Variants in GRM5 observed in about 807,000 individuals in gnomAD.
The protein encoded by GRM5 is glutamate metabotropic receptor 5.
Under a neutral mutation model 83.1 loss-of-function variants are expected in GRM5, and 19 were observed. The ratio of observed to expected loss-of-function variants is 0.23; its 90% CI spans 0.16 to 0.34. The LOEUF is 0.34. Ranked by LOEUF, GRM5 falls within the 10% of genes least tolerant of loss-of-function variation. The probability of loss-of-function intolerance (pLI) is 1.00; values close to 1 mark genes in which losing one functional copy is unlikely to be tolerated. For synonymous variants in GRM5, 675 were observed against 633.6 expected (o/e 1.07, Z -0.98); for missense variants, 1,160 against 1,588.3 (o/e 0.73, Z 4.58).
At chr11:88,967,005 T>A (rs1180834632) in intron 2 of GRM5, among the ~76,000 whole-genome samples, 2 of 152,042 alleles carry the variant, frequency 1.3e-5, no homozygotes, top group Admixed American at 1.3e-4. Flanking sequence ...ATGCAAAATG[T>A]ATGTGTGGAA....
chr11:88,691,214 C>T (rs540197424), intron 3 of GRM5, among the ~76,000 whole-genome samples: 24 of 152,286 alleles, frequency 1.6e-4, no homozygotes, highest in African/African-American at 5.5e-4. Context: ...TTAAATCAAA[C>T]ACTTTTTCTA....
At chr11:88,728,416 T>A (rs1403285334) in intron 3 of GRM5, among the ~76,000 whole-genome samples, 1 of 151,858 alleles carries the variant, frequency 6.6e-6, no homozygotes, top group South Asian at 2.1e-4. Context: ...CAGGACCAGA[T>A]GGATTCACAA....
chr11:88,833,175 T>C (rs1397864232), intron 3 of GRM5, among the ~76,000 whole-genome samples: 2 of 152,012 alleles, frequency 1.3e-5, no homozygotes, highest in East Asian at 1.9e-4. Flanking sequence ...AGTGAAGAGA[T>C]AACCTGTTGA....
At position 88,509,249 on chromosome 11, in the gene GRM5, G is replaced by A; in HGVS notation, c.2982C>T (p.Asp994=). 6.7e-7 allele frequency: 1 copy of A among 1,491,406 alleles called. No homozygotes were observed. The highest frequency in any genetic ancestry group is 1.3e-5 in the South Asian group (1 of 78,344). 92.4% of individuals were successfully genotyped at this position (1,491,406 alleles called of 1,614,324 possible). Residue 994 remains aspartate (D), a synonymous_variant, in exon 10 of 10, where the codon GAC becomes GAT. Coordinates refer to ENST00000305447, the MANE Select transcript of GRM5 (RefSeq NM_001143831.3). The part of the protein sequence containing the change: ...GAGPGGPESP[D]AGPKALYDVA... ...CATCATACAGCGCCTTGGGGCCGGCGTCTGGGGACTCGGGCCCGCCTGGGC... is the reference window on the plus strand; with the variant it reads ...CATCATACAGCGCCTTGGGGCCGGCATCTGGGGACTCGGGCCCGCCTGGGC...
At chr11:89,050,497 A>T (rs1270256947) in intron 1 of GRM5, among the ~76,000 whole-genome samples, 3 of 152,196 alleles carry the variant, frequency 2.0e-5, no homozygotes, top group African/African-American at 7.2e-5. Flanking sequence ...AAAAATAAAG[A>T]TCAAATGGTA....
intron 3 of GRM5, among the ~76,000 whole-genome samples, chr11:88,705,422 A>G (rs1431885101): frequency 6.6e-6 from 1 of 152,028 alleles, no homozygotes; most frequent in Non-Finnish European, 1.5e-5. Flanking sequence ...TCACCTCTAA[A>G]TGTATCTTTT....
chr11:88,596,615 C>T (rs768502186), intron 6 of GRM5, among the ~76,000 whole-genome samples: 10 of 152,036 alleles, frequency 6.6e-5, no homozygotes, highest in Admixed American at 1.3e-4. Context: ...AATGTTCTCT[C>T]CCTGAAATCA....
chr11:88,637,718 T>C (rs532700570), intron 4 of GRM5, among the ~76,000 whole-genome samples: 1 of 147,726 alleles, frequency 6.8e-6, no homozygotes, highest in Non-Finnish European at 1.5e-5. Flanking sequence ...GAGTGTAAAC[T>C]AGTTCAACCA....
chr11:88,689,785 G>T (rs926497373), intron 3 of GRM5, among the ~76,000 whole-genome samples: 1 of 152,122 alleles, frequency 6.6e-6, no homozygotes, highest in African/African-American at 2.4e-5. Flanking sequence ...CACTGTTCTT[G>T]CCAAGAAGTC....
chr11:88,994,232 A>T (rs1335739379), intron 2 of GRM5, among the ~76,000 whole-genome samples: 1 of 151,698 alleles, frequency 6.6e-6, no homozygotes, highest in Non-Finnish European at 1.5e-5. Context: ...TATTTAAAAA[A>T]GACACAAATA....
At chr11:88,538,597 C>CAGGG (rs963467970) in intron 8 of GRM5, among the ~76,000 whole-genome samples, 1 of 152,148 alleles carries the variant, frequency 6.6e-6, no homozygotes, top group Admixed American at 6.5e-5. Context: ...AGTTTTCCAA[C>CAGGG]AGAGATTTTT....
At chr11:88,706,002 T>C (rs1019163813) in intron 3 of GRM5, among the ~76,000 whole-genome samples, 1 of 152,032 alleles carries the variant, frequency 6.6e-6, no homozygotes, top group African/African-American at 2.4e-5. Context: ...CTATTCTCCA[T>C]TGTACCAATG....
At chr11:88,658,849 A>T (rs1004422347) in intron 3 of GRM5, among the ~76,000 whole-genome samples, 4 of 152,054 alleles carry the variant, frequency 2.6e-5, no homozygotes, top group African/African-American at 9.7e-5. Context: ...GAAGAGAATC[A>T]GTTGTGAGTG....
At chr11:88,932,339 A>G (rs1303416653) in intron 2 of GRM5, among the ~76,000 whole-genome samples, 2 of 152,076 alleles carry the variant, frequency 1.3e-5, no homozygotes, top group Admixed American at 6.6e-5. Flanking sequence ...TGGAAATTAC[A>G]TAAATGCCTA....
chr11:88,526,304 C>G (rs1191406012), intron 8 of GRM5, among the ~76,000 whole-genome samples: 1 of 152,126 alleles, frequency 6.6e-6, no homozygotes, highest in African/African-American at 2.4e-5. Flanking sequence ...GTTTTTTGAG[C>G]TAACATGATT....
intron 2 of GRM5, among the ~76,000 whole-genome samples, chr11:89,012,079 GA>G (rs533466630): frequency 2.6e-5 from 4 of 151,542 alleles, no homozygotes; most frequent in South Asian, 4.2e-4. Context: ...TACAATGAAA[GA>G]AAAAAAGGGT....
intron 2 of GRM5, among the ~76,000 whole-genome samples, chr11:88,923,946 A>C (rs1945738568): frequency 6.6e-6 from 1 of 151,554 alleles, no homozygotes; most frequent in African/African-American, 2.4e-5. Flanking sequence ...AATTAAAATA[A>C]AAAAATTAAA....
At chr11:88,884,389 C>A (rs921717134) in intron 2 of GRM5, among the ~76,000 whole-genome samples, 1 of 152,144 alleles carries the variant, frequency 6.6e-6, no homozygotes, top group African/African-American at 2.4e-5. Context: ...AATGCCTGTA[C>A]CCCACTGTGT....
intron 8 of GRM5, among the ~76,000 whole-genome samples, chr11:88,545,194 G>A (rs1942360259): frequency 6.6e-6 from 1 of 151,938 alleles, no homozygotes; most frequent in African/African-American, 2.4e-5. Flanking sequence ...TCAGTTCTTG[G>A]ACTTTCTTTA....
Sources: allele counts gnomAD v4.1 joint callset (sites outside exome capture counted in the v4.1 genomes callset), GRCh38; gene constraint gnomAD v4.1.1; transcripts MANE v1.5; gene names NCBI Gene and HGNC (gene_info 2026-07-23, HGNC 2026-07-21).